The following ABCB6 variants were observed in gnomAD, a reference collection of about 807,000 sequenced individuals.
ABCB6 encodes the protein ATP binding cassette subfamily B member 6 (LAN blood group).
Under a neutral mutation model 99.4 loss-of-function variants are expected in ABCB6, and 87 were observed. The ratio of observed to expected loss-of-function variants is 0.88; its 90% CI spans 0.74 to 1.05. The LOEUF is 1.05. ABCB6 is among the 50% of genes least tolerant of loss of function. The pLI is 0.00. For missense variants in ABCB6, 1,050 were observed against 1,097.9 expected, an observed-to-expected ratio of 0.96 and a Z score of 0.62; for synonymous variants, 482 against 447.5, an observed-to-expected ratio of 1.08 and a Z score of -0.97.
chr2:219,215,808 A>C (rs1323547518), intron 5 of ABCB6, 189 bp downstream of exon 5: 14 of 526,266 alleles, frequency 2.7e-5, no homozygotes, highest in East Asian at 6.7e-5. Flanking sequence ...GCAGCTCGAA[A>C]GAGATTTGCC....
At chr2:219,213,355 G>A in intron 11 of ABCB6, 29 bp from the exon 12 acceptor site, 1 of 1,613,924 alleles carries the variant, frequency 6.2e-7, no homozygotes, top group Non-Finnish European at 8.5e-7. Flanking sequence ...TGTGTGCTGA[G>A]GTTCTCAGCT....
chr2:219,214,997 CAA>C lies in ABCB6; in HGVS notation c.1238_1239del (p.Phe413TrpfsTer20). 1.2e-6 allele frequency: 2 copies of C among 1,614,094 alleles called. No individual in the cohort carries two copies. The highest frequency in any genetic ancestry group is 1.7e-6 in the Non-Finnish European group (2 of 1,180,024). ...IYFSMFFNAW[F>X]GLIVFLCMSL... ...CTCATGCACAGGAACACAATGAGGC[CAA>C]ACCAGGCGTTGAAGAACATGCTGAA... On this transcript the variant is annotated frameshift_variant, in exon 6 of 19. Transcript: ENST00000265316. LOFTEE classifies it high-confidence loss of function.
In ABCB6 at chr2:219,217,713, G is replaced by A; in HGVS notation, c.644C>T (p.Thr215Ile). ...WAPGLRPQSY[T>I]LQVHEEDQDV... is the part of the protein sequence containing the mutation. Reference sequence around the variant, plus strand: ...TTGGTCCTCTTCATGAACCTGCAATGTATAGGACTGGGGACGAAGTCCAGG... The same window carrying A: ...TTGGTCCTCTTCATGAACCTGCAATATATAGGACTGGGGACGAAGTCCAGG... Residue 215 changes from threonine (T) to isoleucine (I), a missense_variant, in exon 2 of 19, where the codon ACA becomes ATA. Coordinates refer to ENST00000265316, the MANE Select transcript of ABCB6 (RefSeq NM_005689.4). 1 of 1,613,864 alleles carries A rather than the reference G, an allele frequency of 6.2e-7. No individual in the cohort carries two copies. The highest frequency in any genetic ancestry group is 8.5e-7 in the Non-Finnish European group (1 of 1,179,918).
In ABCB6 at chr2:219,210,053, T is replaced by G; in HGVS notation, c.2421-7A>C. 1 of 1,613,454 alleles carries G rather than the reference T, an allele frequency of 6.2e-7. No individual in the cohort carries two copies. Among genetic ancestry groups the G allele is most frequent in the Non-Finnish European group, 8.5e-7 (1 of 1,179,646 alleles). Reference sequence around the variant, plus strand: ...GGACAACAGAGCCTCGTGTCTGGGGTGAGGAGAAAAGTGTGAGTCCTAACC... The same window carrying G: ...GGACAACAGAGCCTCGTGTCTGGGGGGAGGAGAAAAGTGTGAGTCCTAACC... On this transcript the variant is annotated splice_region_variant and splice_polypyrimidine_tract_variant and intron_variant, in intron 18 of 18. Transcript: ENST00000265316.
Position 219,210,701 on chromosome 2 carries a change from C to T in ABCB6, c.2256+10G>A. 2 of 1,613,426 alleles carry T rather than the reference C, an allele frequency of 1.2e-6. No homozygotes were observed. Among genetic ancestry groups the T allele is most frequent in the Non-Finnish European group, 1.7e-6 (2 of 1,179,926 alleles). On this transcript the variant is annotated intron_variant, in intron 16 of 18. Transcript: ENST00000265316. ...AAGGCAGGAAGGAGGGGAGGAGACC[C>T]AGGGCGCACCTCATCCAGCAGAATG...
chr2:219,218,147 G>A lies in ABCB6; in HGVS notation c.527C>T (p.Ala176Val), dbSNP rs771934059. 3.1e-6 allele frequency: 5 copies of A among 1,609,330 alleles called. No homozygotes were observed. The highest frequency in any genetic ancestry group is 4.2e-6 in the Non-Finnish European group (5 of 1,177,932). ...VSWNSPQWWW[A>V]RADLGQQVQF... ...CACCTGCTGGCCCAAGTCTGCCCTT[G>A]CCCACCACCACTGTGGGCTGTTCCA... Residue 176 changes from alanine to valine, a missense_variant, in exon 1 of 19, where the codon GCA becomes GTA. Physicochemically the swap from Ala to Val is moderately conservative, Grantham distance 64. Coordinates refer to ENST00000265316, the MANE Select transcript of ABCB6 (RefSeq NM_005689.4).
chr2:219,210,824 C>T lies in ABCB6; in HGVS notation c.2144-1G>A, dbSNP rs1391049641. 3 of 1,613,922 alleles carry T rather than the reference C, an allele frequency of 1.9e-6. No individual in the cohort carries two copies. The highest frequency in any genetic ancestry group is 1.7e-5 in the Admixed American group (1 of 59,994). On this transcript the variant is annotated splice_acceptor_variant, in intron 15 of 18. Transcript: ENST00000265316. LOFTEE classifies it high-confidence loss of function. ...CGCTCGCCCACCTGTGTCCTGTACC[C>T]TGTGGATATTACCCACCACACGTTT...
rs201416447 is a variant in ABCB6 at position 219,210,418 on chromosome 2, C to G, written c.2314G>C (p.Val772Leu). The change falls in exon 17 of 19, where the codon GTC becomes CTC. Residue 772 changes from valine to leucine, a missense_variant. Coordinates refer to ENST00000265316, the MANE Select transcript of ABCB6 (RefSeq NM_005689.4). Reference protein sequence around the residue: ...ERAIQASLAKVCANRTTIVVA... With the variant: ...ERAIQASLAKLCANRTTIVVA... Reference sequence around the variant, plus strand: ...ACGATGGTGGTGCGGTTGGCACAGACTTTGGCCAGAGAAGCCTGGATGGCC... The same window carrying G: ...ACGATGGTGGTGCGGTTGGCACAGAGTTTGGCCAGAGAAGCCTGGATGGCC... 1.2e-6 allele frequency: 2 copies of G among 1,614,210 alleles called. No individual in the cohort carries two copies. Among genetic ancestry groups the G allele is most frequent in the Admixed American group, 3.3e-5 (2 of 60,022 alleles).
chr2:219,218,298 C>A lies in ABCB6; in HGVS notation c.376G>T (p.Val126Phe), dbSNP rs1293978481. The A allele has an allele frequency of 6.2e-7, 1 of 1,612,926 alleles. No individual in the cohort carries two copies. Among genetic ancestry groups the A allele is most frequent in the Non-Finnish European group, 8.5e-7 (1 of 1,180,032 alleles). The change falls in exon 1 of 19, where the codon GTC becomes TTC. Residue 126 changes from valine (V) to phenylalanine (F), a missense_variant. Coordinates refer to ENST00000265316, the MANE Select transcript of ABCB6 (RefSeq NM_005689.4). ...LAGACGLWLL[V>F]VERSQARQRL... ...TGCCGTGCCTGGCTCCGCTCCACGACAAGCAGCCACAGGCCACAGGCGCCG... is the reference window on the plus strand; with the variant it reads ...TGCCGTGCCTGGCTCCGCTCCACGAAAAGCAGCCACAGGCCACAGGCGCCG...
chr2:219,218,649 C>T lies in ABCB6; in HGVS notation c.25G>A (p.Glu9Lys). 1 of 1,590,008 alleles carries T rather than the reference C, an allele frequency of 6.3e-7. No homozygotes were observed. The highest frequency in any genetic ancestry group is 2.3e-5 in the East Asian group (1 of 44,370). The part of the protein sequence containing the change: MVTVGNYC[E>K]AEGPVGPAWM... Reference sequence around the variant, plus strand: ...GCCGGACCCACGGGCCCTTCGGCCTCGCAGTAGTTGCCCACAGTCACCATG... The same window carrying T: ...GCCGGACCCACGGGCCCTTCGGCCTTGCAGTAGTTGCCCACAGTCACCATG... Residue 9 changes from glutamate to lysine, a missense_variant, in exon 1 of 19, where the codon GAG (glutamate) becomes AAG (lysine). Glu to Lys is a moderately conservative substitution (Grantham distance 56, BLOSUM62 1). Coordinates refer to ENST00000265316, the MANE Select transcript of ABCB6 (RefSeq NM_005689.4).
intron 14 of ABCB6, among the ~76,000 whole-genome samples, chr2:219,211,920 C>A (rs548017562): frequency 3.4e-4 from 52 of 152,180 alleles, no homozygotes; most frequent in Non-Finnish European, 5.1e-4. Context: ...CCCGCCACCA[C>A]GCCCAGCAAA....
Position 219,211,214 on chromosome 2 carries a change from C to T in ABCB6, c.1969-106G>A, listed in dbSNP as rs544327407. The T allele has an allele frequency of 3.8e-5, 45 of 1,186,244 alleles. No homozygotes were observed. In the African/African-American group the frequency reaches 5.4e-4, roughly 14 times the overall value. The allele number at this position is 1,186,244 out of a possible 1,614,324, so 73.5% of individuals were successfully genotyped here. A position where few individuals can be genotyped will look rare whatever the true frequency, so the allele number is the denominator to read the frequency against. ...TGGGATAAGAGGCTGTGGTAATAAT[C>T]CCACCATCACTGCCCCATATCCTAG... On this transcript the variant is annotated intron_variant, in intron 14 of 18. Coordinates refer to ENST00000265316, the MANE Select transcript of ABCB6 (RefSeq NM_005689.4).
At position 219,214,464 on chromosome 2, in the gene ABCB6, C is replaced by G; in HGVS notation, c.1311G>C (p.Lys437Asn). 6.2e-7 allele frequency: 1 copy of G among 1,614,174 alleles called. No homozygotes were observed. Among genetic ancestry groups the G allele is most frequent in the Non-Finnish European group, 8.5e-7 (1 of 1,180,014 alleles). The change falls in exon 7 of 19, where the codon AAG becomes AAC. Residue 437 changes from lysine to asparagine, a missense_variant. By Grantham distance (94) the Lys-to-Asn change is moderately conservative. Transcript: ENST00000265316. ...LTIVVTEWRTKFRRAMNTQEN... is the reference protein window; with the variant it reads ...LTIVVTEWRTNFRRAMNTQEN... ...CCTGTGTGTTCATAGCACGACGAAA[C>G]TTGGTTCTCCACTCAGTGACCACAA...
At position 219,210,323 on chromosome 2, in the gene ABCB6, T is replaced by C. The variant is rs78861870; in HGVS notation, c.2352-25A>G. The C allele has an allele frequency of 0.019, 30,500 of 1,614,180 alleles. 775 individuals are homozygous for C. Among genetic ancestry groups the C allele is most frequent in the East Asian group, 0.11 (4,988 of 44,880 alleles). ...CCTGAGAAGTCAAAGATCAGTCGCC[T>C]ACTACCCCACCCAAAGCGGGCCACA... On this transcript the variant is annotated intron_variant, in intron 17 of 18. Coordinates refer to ENST00000265316, the MANE Select transcript of ABCB6 (RefSeq NM_005689.4).
In ABCB6 at chr2:219,216,532, G is replaced by A. The variant is rs1950644444; in HGVS notation, c.869-67C>T. The A allele has an allele frequency of 6.4e-7, 1 of 1,567,358 alleles. No homozygotes were observed. Among genetic ancestry groups the A allele is most frequent in the Admixed American group, 1.8e-5 (1 of 56,270 alleles). On this transcript the variant is annotated intron_variant, in intron 3 of 18. Coordinates refer to ENST00000265316, the MANE Select transcript of ABCB6 (RefSeq NM_005689.4). This position sits in a 1 kb window ranked among gnomAD's most constrained non-coding sequence, Gnocchi z 4.2. ...ACTCTCTTCAGGCAAAATGGCCCCA[G>A]GTACCAGCCACAGTCTCTTTCTGAC...
chr2:219,211,621 CTTTTTTT>C (rs34408255), intron 14 of ABCB6, among the ~76,000 whole-genome samples: 2 of 87,860 alleles, frequency 2.3e-5, no homozygotes, highest in Non-Finnish European at 4.7e-5. Context: ...ATCGTTGTAC[CTTTTTTT>C]TTTTTTTTTT....
At chr2:219,215,158 G>A in intron 5 of ABCB6, 76 bp from the exon 6 acceptor site, 1 of 1,582,388 alleles carries the variant, frequency 6.3e-7, no homozygotes, top group Non-Finnish European at 8.6e-7. Context: ...GCATTTCAGG[G>A]TAGTGTTTTA....
intron 14 of ABCB6, 42 bp from the exon 15 acceptor site, chr2:219,211,150 C>T (rs535103228): frequency 6.9e-6 from 11 of 1,604,724 alleles, no homozygotes; most frequent in South Asian, 5.5e-5. Flanking sequence ...TGAGATACCC[C>T]CAAGGCCTGG....
At chr2:219,217,872 A>C in intron 1 of ABCB6, 65 bp from the exon 2 acceptor site, 1 of 1,576,644 alleles carries the variant, frequency 6.3e-7, no homozygotes, top group Admixed American at 1.9e-5. Flanking sequence ...TACTACTTAT[A>C]ATAGGGCCGG....
Sources: allele counts gnomAD v4.1 joint callset (sites outside exome capture counted in the v4.1 genomes callset), GRCh38; gene constraint gnomAD v4.1.1; non-coding constraint Gnocchi (gnomAD v3.1); transcripts MANE v1.5; gene names NCBI Gene and HGNC (gene_info 2026-07-23, HGNC 2026-07-21).